Variants in ENOX1 observed in about 807,000 individuals in gnomAD.
ENOX1 encodes ecto-NOX disulfide-thiol exchanger 1.
In ENOX1, 42 loss-of-function variants were observed where a neutral mutation model predicts 82.5. That is an observed-to-expected ratio of 0.51 (90% CI 0.40 to 0.66). The LOEUF (loss-of-function observed/expected upper bound fraction) is 0.66. Ranked by LOEUF, ENOX1 falls within the 30% of genes least tolerant of loss-of-function variation. The pLI, the probability that ENOX1 is intolerant of heterozygous loss-of-function variation, is 0.00. For synonymous variants in ENOX1, 271 were observed against 282.2 expected (o/e 0.96, Z 0.40); for missense variants, 608 against 811.6 (o/e 0.75, Z 3.05).
At chr13:43,312,286 C>T (rs573064812) in intron 11 of ENOX1, among the ~76,000 whole-genome samples, 1 of 152,210 alleles carries the variant, frequency 6.6e-6, no homozygotes, top group African/African-American at 2.4e-5. Context: ...TATTTTAAAG[C>T]TATATTGGAG....
At position 43,484,042 on chromosome 13, in the gene ENOX1, G is replaced by C. The variant is rs946958189; in HGVS notation, c.-108C>G. ...TGCCAGCAGCTCAGAAGACAAATGTGTTCTCTGGGGACTTGATTGAAACCA... is the reference window on the plus strand; with the variant it reads ...TGCCAGCAGCTCAGAAGACAAATGTCTTCTCTGGGGACTTGATTGAAACCA... On this transcript the variant is annotated 5_prime_UTR_variant, in exon 3 of 17. Coordinates refer to ENST00000690772, the MANE Select transcript of ENOX1 (RefSeq NM_001347969.2). 1.0e-6 allele frequency: 1 copy of C among 985,318 alleles called. No individual in the cohort carries two copies. Among genetic ancestry groups the C allele is most frequent in the African/African-American group, 1.7e-5 (1 of 57,190 alleles). The allele number at this position is 985,318 out of a possible 1,614,324, so 61.0% of individuals were successfully genotyped here.
chr13:43,543,066 C>G (rs2153695280), intron 2 of ENOX1, among the ~76,000 whole-genome samples: 1 of 152,276 alleles, frequency 6.6e-6, no homozygotes, highest in South Asian at 2.1e-4. Flanking sequence ...AGGGGACAAA[C>G]TTTCAGTCTG....
chr13:43,565,173 T>C (rs2079863592), intron 2 of ENOX1, among the ~76,000 whole-genome samples: 2 of 151,900 alleles, frequency 1.3e-5, no homozygotes, highest in Admixed American at 6.6e-5. Flanking sequence ...GATATCTGAG[T>C]TGACAGCTGA....
At chr13:43,230,530 G>A (rs1210139596) in intron 15 of ENOX1, among the ~76,000 whole-genome samples, 1 of 152,084 alleles carries the variant, frequency 6.6e-6, no homozygotes, top group Admixed American at 6.5e-5. Flanking sequence ...AAGGGGTAAT[G>A]CAGCTTTCAT....
At chr13:43,312,704 T>C (rs553308673) in intron 11 of ENOX1, among the ~76,000 whole-genome samples, 2 of 152,312 alleles carry the variant, frequency 1.3e-5, no homozygotes, top group East Asian at 3.9e-4. Flanking sequence ...AGACTCTGCT[T>C]TCAGGAAATA....
intron 3 of ENOX1, among the ~76,000 whole-genome samples, chr13:43,413,955 C>A (rs1209717452): frequency 1.3e-5 from 2 of 151,954 alleles, no homozygotes; most frequent in South Asian, 2.1e-4. Flanking sequence ...TTAGATATAA[C>A]AACTAAGTCT....
chr13:43,780,054 G>A (rs1463787695), intron 1 of ENOX1, among the ~76,000 whole-genome samples: 4 of 151,956 alleles, frequency 2.6e-5, no homozygotes, highest in East Asian at 1.9e-4. Flanking sequence ...CCAGCTACTC[G>A]GGAGACTGAG....
chr13:43,411,833 C>T (rs925577367), intron 5 of ENOX1, 83 bp downstream of exon 5: 18 of 1,545,628 alleles, frequency 1.2e-5, no homozygotes, highest in Middle Eastern at 1.9e-4. Flanking sequence ...CCAACACTCG[C>T]GGTACAGAGA....
chr13:43,506,005 G>A (rs2077145890), intron 2 of ENOX1, among the ~76,000 whole-genome samples: 1 of 152,064 alleles, frequency 6.6e-6, no homozygotes, highest in East Asian at 1.9e-4. Flanking sequence ...TTATTAAACA[G>A]GGAATCTTTT....
chr13:43,274,563 G>C (rs957151863), intron 12 of ENOX1, among the ~76,000 whole-genome samples: 4 of 152,182 alleles, frequency 2.6e-5, no homozygotes, highest in Admixed American at 2.6e-4. Flanking sequence ...AAGTACTAAA[G>C]TGCCTCAATT....
chr13:43,455,833 C>A (rs1350078263), intron 3 of ENOX1, among the ~76,000 whole-genome samples: 1 of 152,200 alleles, frequency 6.6e-6, no homozygotes, highest in African/African-American at 2.4e-5. Context: ...GCTTCTCATT[C>A]TGTCTTTGCC....
chr13:43,405,895 C>A (rs1280911187), intron 5 of ENOX1, among the ~76,000 whole-genome samples: 2 of 152,196 alleles, frequency 1.3e-5, no homozygotes. Flanking sequence ...TCCTATAGCA[C>A]CCTTTATCTA....
chr13:43,429,817 C>T (rs1412055126), intron 3 of ENOX1, among the ~76,000 whole-genome samples: 1 of 152,164 alleles, frequency 6.6e-6, no homozygotes, highest in African/African-American at 2.4e-5. Context: ...TTGGAAGCTC[C>T]TTGCTAAGCT....
At chr13:43,564,620 G>C (rs2079838337) in intron 2 of ENOX1, among the ~76,000 whole-genome samples, 1 of 151,952 alleles carries the variant, frequency 6.6e-6, no homozygotes, top group Admixed American at 6.6e-5. Context: ...TAGTAGGAGA[G>C]GATTACTTTA....
At chr13:43,483,555 A>G (rs1475973593) in intron 3 of ENOX1, among the ~76,000 whole-genome samples, 2 of 152,198 alleles carry the variant, frequency 1.3e-5, no homozygotes, top group African/African-American at 2.4e-5. Context: ...GAAAACATTC[A>G]GGGCACTGAG....
At chr13:43,459,968 T>G (rs535114888) in intron 3 of ENOX1, among the ~76,000 whole-genome samples, 3 of 152,264 alleles carry the variant, frequency 2.0e-5, no homozygotes, top group African/African-American at 7.2e-5. Flanking sequence ...CACTCCAGCC[T>G]GGGTGACAAA....
intron 2 of ENOX1, among the ~76,000 whole-genome samples, chr13:43,593,274 A>G (rs2081319961): frequency 1.3e-5 from 2 of 152,184 alleles, no homozygotes; most frequent in South Asian, 4.2e-4. Context: ...ACCTCCTTTC[A>G]GGGAGAAGGA....
intron 8 of ENOX1, among the ~76,000 whole-genome samples, chr13:43,354,651 A>T (rs2050034395): frequency 6.6e-6 from 1 of 152,144 alleles, no homozygotes. Flanking sequence ...TCTCATCAGA[A>T]ATCTGTTAAT....
intron 14 of ENOX1, among the ~76,000 whole-genome samples, chr13:43,250,479 G>GT (rs1376984604): frequency 3.3e-5 from 5 of 152,232 alleles, no homozygotes; most frequent in Non-Finnish European, 5.9e-5. Context: ...GGAGCGGCTA[G>GT]TTATGGGTCC....
Sources: gnomAD v4.1 joint callset for allele counts (sites outside exome capture counted in the v4.1 genomes callset) on GRCh38, gnomAD v4.1.1 for gene constraint, MANE v1.5 for transcripts, NCBI Gene and HGNC (gene_info 2026-07-23, HGNC 2026-07-21) for gene names.